Variants in SGIP1 observed in about 807,000 individuals in gnomAD.
SGIP1 encodes SH3-containing GRB2-like protein 3-interacting protein 1.
A neutral mutation model predicts 107.5 loss-of-function variants in SGIP1; 38 were observed. The ratio of observed to expected loss-of-function variants is 0.35; its 90% CI spans 0.27 to 0.46. The LOEUF (loss-of-function observed/expected upper bound fraction) is 0.46, where lower values mean the gene tolerates loss of function less well. Among genes scored for constraint, SGIP1 ranks in the 20% least tolerant of loss-of-function variants. The pLI, the probability that SGIP1 is intolerant of heterozygous loss-of-function variation, is 1.00. For synonymous variants in SGIP1, 365 were observed against 366.1 expected (o/e 1.00, Z 0.03); for missense variants, 929 against 1,019.5 (o/e 0.91, Z 1.21).
At chr1:66,725,737 G>T (rs964747202) in intron 19 of SGIP1, among the ~76,000 whole-genome samples, 1 of 152,226 alleles carries the variant, frequency 6.6e-6, no homozygotes, top group Non-Finnish European at 1.5e-5. Flanking sequence ...CCCTATGATT[G>T]CTCCAGCTTA....
intron 11 of SGIP1, among the ~76,000 whole-genome samples, chr1:66,672,957 C>A (rs903136627): frequency 6.6e-6 from 1 of 152,042 alleles, no homozygotes; most frequent in Admixed American, 6.6e-5. Flanking sequence ...AAACTCAGCT[C>A]TAGTATTATC....
chr1:66,630,193 AT>A (rs66985865), intron 2 of SGIP1, among the ~76,000 whole-genome samples: 19,441 of 152,180 alleles, frequency 0.13, 1,331 homozygotes, highest in Admixed American at 0.18. Flanking sequence ...CTGATTAAAA[AT>A]TGTGGAAGAC....
intron 3 of SGIP1, chr1:66,633,958 G>A (rs994472115): frequency 2.7e-6 from 2 of 746,300 alleles, no homozygotes; most frequent in Non-Finnish European, 4.4e-6. Context: ...TTCCACACTT[G>A]ACTCAAGGTT....
Position 66,671,982 on chromosome 1 carries a change from C to T in SGIP1, c.547C>T (p.Pro183Ser). The part of the protein sequence containing the change: ...VARPRRSTPT[P>S]ELISKKPPDD... Reference sequence around the variant, plus strand: ...AAGACCCAGGCGTTCCACACCAACTCCAGAACTTATAAGGTGAGTGTGAAA... The same window carrying T: ...AAGACCCAGGCGTTCCACACCAACTTCAGAACTTATAAGGTGAGTGTGAAA... Residue 183 changes from proline (P) to serine (S), a missense_variant, in exon 11 of 25, where the codon CCA (proline) becomes TCA (serine). By Grantham distance (74) the Pro-to-Ser change is moderately conservative (BLOSUM62 -1). This residue lies in a region of SGIP1 where 588 missense variants were observed against 588.6 expected (regional missense o/e 1.00). Coordinates refer to ENST00000371037, the MANE Select transcript of SGIP1 (RefSeq NM_032291.4). 6.2e-7 allele frequency: 1 copy of T among 1,614,008 alleles called. No individual in the cohort carries two copies. The highest frequency in any genetic ancestry group is 1.3e-5 in the African/African-American group (1 of 75,040).
At chr1:66,558,011 T>A (rs1038958343) in intron 1 of SGIP1, among the ~76,000 whole-genome samples, 10 of 152,096 alleles carry the variant, frequency 6.6e-5, no homozygotes, top group Non-Finnish European at 1.2e-4. Flanking sequence ...AACACTTTTT[T>A]AAAAAACTTG....
At chr1:66,560,447 G>A (rs2148435973) in intron 1 of SGIP1, among the ~76,000 whole-genome samples, 1 of 151,954 alleles carries the variant, frequency 6.6e-6, no homozygotes, top group East Asian at 1.9e-4. Flanking sequence ...ATTGATTTTT[G>A]CCAGCATTGT....
At chr1:66,725,393 G>A (rs369758831) in intron 19 of SGIP1, among the ~76,000 whole-genome samples, 4 of 152,192 alleles carry the variant, frequency 2.6e-5, no homozygotes, top group South Asian at 2.1e-4. Context: ...GTAGGACAAC[G>A]TGGAGTCTCC....
At chr1:66,734,175 T>C (rs1354296613) in intron 21 of SGIP1, among the ~76,000 whole-genome samples, 1 of 152,166 alleles carries the variant, frequency 6.6e-6, no homozygotes, top group Non-Finnish European at 1.5e-5. Flanking sequence ...TATAAGTTTA[T>C]ATTGATAAAC....
At chr1:66,673,184 T>C in intron 11 of SGIP1, 97 bp from the exon 12 acceptor site, 2 of 1,252,792 alleles carry the variant, frequency 1.6e-6, no homozygotes, top group Non-Finnish European at 2.3e-6. Context: ...CACACACACT[T>C]GTTTCACTAA....
chr1:66,684,623 A>G (rs895882048), intron 15 of SGIP1, among the ~76,000 whole-genome samples: 10 of 152,244 alleles, frequency 6.6e-5, no homozygotes, highest in African/African-American at 2.2e-4. Flanking sequence ...AGGGTAGGCC[A>G]CAATGCTGTC....
Position 66,548,652 on chromosome 1 carries a change from G to A in SGIP1, c.10+14284G>A, listed in dbSNP as rs2056868887. Among the ~76,000 whole-genome samples, 3 of 152,098 alleles carry A rather than the reference G, an allele frequency of 2.0e-5. No individual in the cohort carries two copies. The South Asian group carries it at 6.2e-4, about 32-fold the overall frequency. ...GGGCTTTTATCATTTCGTCACTGAGGCTTTTTCTCTCTAGGCCAGATCAGA... is the reference window on the plus strand; with the variant it reads ...GGGCTTTTATCATTTCGTCACTGAGACTTTTTCTCTCTAGGCCAGATCAGA... On this transcript the variant is annotated intron_variant, in intron 1 of 24. Coordinates refer to ENST00000371037, the MANE Select transcript of SGIP1 (RefSeq NM_032291.4).
intron 1 of SGIP1, chr1:66,616,242 A>G (rs1391731194): frequency 6.6e-6 from 1 of 152,082 alleles, no homozygotes; most frequent in Non-Finnish European, 1.5e-5. Context: ...TGAAATTTTG[A>G]TTATTTTCAA....
chr1:66,538,210 G>A (rs2147992654), intron 1 of SGIP1, among the ~76,000 whole-genome samples: 1 of 152,102 alleles, frequency 6.6e-6, no homozygotes, highest in Non-Finnish European at 1.5e-5. Flanking sequence ...TCTTTGGTTT[G>A]GTCAGAAAAG....
chr1:66,741,388 G>C lies in SGIP1; in HGVS notation c.2416G>C (p.Val806Leu). 6.2e-7 allele frequency: 1 copy of C among 1,608,380 alleles called. No individual in the cohort carries two copies. Among genetic ancestry groups the C allele is most frequent in the East Asian group, 2.2e-5 (1 of 44,476 alleles). Residue 806 changes from valine to leucine, a missense_variant, in exon 24 of 25, where the codon GTT becomes CTT. This residue lies in a region of SGIP1 where 341 missense variants were observed against 430.9 expected (regional missense o/e 0.79). Coordinates refer to ENST00000371037, the MANE Select transcript of SGIP1 (RefSeq NM_032291.4). ...CCTTTCTGGCTGTGACATTGAACTT[G>C]TTGGAGCAGGGTATCGATTTTCACT... ...STLSGCDIEL[V>L]GAGYRFSLIK...
intron 1 of SGIP1, among the ~76,000 whole-genome samples, chr1:66,553,947 T>A (rs1260994846): frequency 1.3e-5 from 2 of 152,166 alleles, no homozygotes; most frequent in African/African-American, 4.8e-5. Context: ...GTGGTCACTT[T>A]CTGAGTGTCC....
intron 20 of SGIP1, among the ~76,000 whole-genome samples, chr1:66,731,012 T>TA (rs890747822): frequency 6.6e-6 from 1 of 152,210 alleles, no homozygotes; most frequent in African/African-American, 2.4e-5. Flanking sequence ...TTTCTACCGT[T>TA]ACTTTTAAAT....
chr1:66,625,887 G>A lies in SGIP1; in HGVS notation c.51G>A (p.Lys17=). 6.2e-7 allele frequency: 1 copy of A among 1,612,548 alleles called. No homozygotes were observed. Among genetic ancestry groups the A allele is most frequent in the African/African-American group, 1.3e-5 (1 of 74,964 alleles). The change falls in exon 2 of 25, where the codon AAG becomes AAA. Residue 17 remains lysine, a synonymous_variant. Coordinates refer to ENST00000371037, the MANE Select transcript of SGIP1 (RefSeq NM_032291.4). ...CAAGGAAGGCCTTTGGAATACGGAA[G>A]AAAGAAAAGGACACTGATTCTACGT... ...KRTRKAFGIR[K]KEKDTDSTGS...
intron 8 of SGIP1, among the ~76,000 whole-genome samples, chr1:66,661,136 A>G (rs894142573): frequency 2.6e-5 from 4 of 152,214 alleles, no homozygotes; most frequent in Non-Finnish European, 4.4e-5. Flanking sequence ...CGATGTACCT[A>G]CATCGTTTTA....
intron 11 of SGIP1, 77 bp downstream of exon 11, chr1:66,672,072 C>T (rs2149844974): frequency 1.5e-6 from 2 of 1,366,078 alleles, no homozygotes; most frequent in South Asian, 1.2e-5. Flanking sequence ...CTCCTTTGAG[C>T]TAAACTCTCA....
Sources: gnomAD v4.1 joint callset for allele counts (sites outside exome capture counted in the v4.1 genomes callset) on GRCh38, gnomAD v4.1.1 for gene constraint, gnomAD v4.1.1 regional missense constraint, MANE v1.5 for transcripts, NCBI Gene and HGNC (gene_info 2026-07-23, HGNC 2026-07-21) for gene names.